MAGI2: variants seen among roughly 807,000 people sequenced by gnomAD.
MAGI2 encodes membrane associated guanylate kinase, WW and PDZ domain containing 2.
In MAGI2, 35 loss-of-function variants were observed where a neutral mutation model predicts 133.3. The ratio of observed to expected loss-of-function variants is 0.26; its 90% confidence interval spans 0.20 to 0.35. The LOEUF (loss-of-function observed/expected upper bound fraction) is 0.35. Ranked by LOEUF, MAGI2 falls within the 10% of genes least tolerant of loss-of-function variation. MAGI2 has a pLI of 1.00. For missense variants in MAGI2, 1,636 were observed against 1,863.4 expected, an observed-to-expected ratio of 0.88 and a Z score of 2.25; for synonymous variants, 729 against 710.6, an observed-to-expected ratio of 1.03 and a Z score of -0.41.
At chr7:78,919,471 T>A (rs1311352195) in intron 2 of MAGI2, among the ~76,000 whole-genome samples, 1 of 152,106 alleles carries the variant, frequency 6.6e-6, no homozygotes, top group African/African-American at 2.4e-5. Context: ...TTTAACTATT[T>A]ACGATAGGAG....
At chr7:78,847,624 G>C (rs1295926456) in intron 2 of MAGI2, among the ~76,000 whole-genome samples, 1 of 151,910 alleles carries the variant, frequency 6.6e-6, no homozygotes, top group Admixed American at 6.6e-5. Flanking sequence ...AGAGTTAAAA[G>C]ATCTTGTACT....
At chr7:78,451,002 C>T (rs533214738) in intron 6 of MAGI2, among the ~76,000 whole-genome samples, 8 of 152,110 alleles carry the variant, frequency 5.3e-5, no homozygotes, top group African/African-American at 1.2e-4. Context: ...AGACAGAAAG[C>T]GGCAGGTGGT....
At chr7:78,824,199 A>T (rs1475332040) in intron 2 of MAGI2, among the ~76,000 whole-genome samples, 2 of 152,218 alleles carry the variant, frequency 1.3e-5, no homozygotes, top group African/African-American at 4.8e-5. Flanking sequence ...AACTGAATTC[A>T]ACACACAAGG....
intron 1 of MAGI2, among the ~76,000 whole-genome samples, chr7:79,333,046 C>G (rs1261120426): frequency 6.6e-6 from 1 of 152,162 alleles, no homozygotes; most frequent in Non-Finnish European, 1.5e-5. Context: ...CTCATCCAGT[C>G]CCACTACTGC....
chr7:79,307,035 G>A (rs998504099), intron 1 of MAGI2, among the ~76,000 whole-genome samples: 4 of 151,944 alleles, frequency 2.6e-5, no homozygotes, highest in African/African-American at 7.2e-5. Context: ...AAATTTTGAG[G>A]CTGCCAGGAT....
chr7:78,433,532 T>C (rs1052991249), intron 6 of MAGI2, among the ~76,000 whole-genome samples: 1 of 152,110 alleles, frequency 6.6e-6, no homozygotes, highest in South Asian at 2.1e-4. Flanking sequence ...TCCCCCGAAT[T>C]TTCTCCATTT....
chr7:79,283,431 T>G (rs2129558160), intron 1 of MAGI2, among the ~76,000 whole-genome samples: 1 of 152,236 alleles, frequency 6.6e-6, no homozygotes, highest in African/African-American at 2.4e-5. Context: ...TAACAACCAT[T>G]ACTCACTTCC....
chr7:78,413,380 G>A (rs1798026563), intron 6 of MAGI2, among the ~76,000 whole-genome samples: 1 of 152,058 alleles, frequency 6.6e-6, no homozygotes, highest in Non-Finnish European at 1.5e-5. Flanking sequence ...ATACAGATTT[G>A]CATTTAGAAC....
Position 78,402,401 on chromosome 7 carries a change from TG to T in MAGI2, c.1046-33189del, listed in dbSNP as rs371459117. 4.6e-3 allele frequency among the ~76,000 whole-genome samples: 700 copies of T among 151,540 alleles called. 11 individuals are homozygous for T. The highest frequency in any genetic ancestry group is 9.2e-3 in the African/African-American group (381 of 41,278). ...GGGTGTGTGTGTGTGTGTGTCCACC[TG>T]GGGCATGTATGTTTCCACCTGGGGT... is the stretch of plus-strand genomic sequence containing the variant. On this transcript the variant is annotated intron_variant, in intron 6 of 21. Transcript: ENST00000354212.
rs576840481 is a variant in MAGI2 at position 78,076,739 on chromosome 7, G to C, written c.3706+2208C>G. 3.3e-3 allele frequency among the ~76,000 whole-genome samples: 488 copies of C among 149,624 alleles called. 1 individual carries two copies. Among genetic ancestry groups the C allele is most frequent in the Middle Eastern group, 0.014 (4 of 290 alleles). ...CGGGCGCCTGTAGTCCCAGCTACTG[G>C]GGAGGCTGAGGCAGGAGAATGGCGT... On this transcript the variant is annotated intron_variant, in intron 21 of 21. Coordinates refer to ENST00000354212, the MANE Select transcript of MAGI2 (RefSeq NM_012301.4).
chr7:78,896,777 A>G (rs928994299), intron 2 of MAGI2, among the ~76,000 whole-genome samples: 10 of 151,912 alleles, frequency 6.6e-5, no homozygotes, highest in African/African-American at 2.4e-4. Flanking sequence ...CCTGCTTTAT[A>G]AAAATATAAA....
chr7:79,445,902 A>G (rs1289203300), intron 1 of MAGI2, among the ~76,000 whole-genome samples: 1 of 152,236 alleles, frequency 6.6e-6, no homozygotes, highest in Non-Finnish European at 1.5e-5. Flanking sequence ...AATAGCAAGG[A>G]CTTGGAACCA....
At chr7:79,214,001 T>C (rs1276124221) in intron 1 of MAGI2, among the ~76,000 whole-genome samples, 3 of 151,936 alleles carry the variant, frequency 2.0e-5, no homozygotes, top group Admixed American at 6.6e-5. Context: ...AGAGGAAACA[T>C]GGGAATTTAA....
intron 1 of MAGI2, among the ~76,000 whole-genome samples, chr7:79,277,748 T>G (rs749571698): frequency 6.6e-6 from 1 of 152,180 alleles, no homozygotes; most frequent in Non-Finnish European, 1.5e-5. Flanking sequence ...TAGAGCATTT[T>G]CTTTAGAAAA....
intron 9 of MAGI2, among the ~76,000 whole-genome samples, chr7:78,292,775 T>C (rs1302434142): frequency 2.0e-5 from 3 of 152,056 alleles, no homozygotes; most frequent in Admixed American, 1.3e-4. Flanking sequence ...CTGGAAATAA[T>C]GCCACACATC....
intron 3 of MAGI2, among the ~76,000 whole-genome samples, chr7:78,547,564 G>T (rs1798956039): frequency 6.6e-6 from 1 of 152,084 alleles, no homozygotes; most frequent in African/African-American, 2.4e-5. Context: ...TCTATTTCAG[G>T]GCTGAGGATG....
At chr7:78,181,925 A>G (rs544264294) in intron 13 of MAGI2, among the ~76,000 whole-genome samples, 3 of 152,310 alleles carry the variant, frequency 2.0e-5, no homozygotes, top group African/African-American at 7.2e-5. Context: ...ACAGTTAGGG[A>G]AAAGGCTGGG....
intron 1 of MAGI2, among the ~76,000 whole-genome samples, chr7:79,111,345 G>C (rs1041475780): frequency 6.6e-6 from 1 of 152,018 alleles, no homozygotes; most frequent in Non-Finnish European, 1.5e-5. Context: ...TGATGATTTT[G>C]AACCTTTCAC....
chr7:79,424,887 C>G (rs1278381920), intron 1 of MAGI2, among the ~76,000 whole-genome samples: 1 of 152,042 alleles, frequency 6.6e-6, no homozygotes, highest in African/African-American at 2.4e-5. Context: ...TATTTCCATT[C>G]ACATTCATGC....
Sources: gnomAD v4.1 joint callset for allele counts (sites outside exome capture counted in the v4.1 genomes callset) on GRCh38, gnomAD v4.1.1 for gene constraint, MANE v1.5 for transcripts, NCBI Gene and HGNC (gene_info 2026-07-23, HGNC 2026-07-21) for gene names.